LIMD1: variants seen among roughly 807,000 people sequenced by gnomAD.
The protein encoded by LIMD1 is LIM domain containing 1, also known as LIM domain-containing protein 1.
In LIMD1, 23 loss-of-function variants were observed where a neutral mutation model predicts 58.4. The observed-to-expected ratio is 0.39, with a 90% CI of 0.28 to 0.56. LIMD1 has a LOEUF of 0.56. Among genes scored for constraint, LIMD1 ranks in the 20% least tolerant of loss-of-function variants. The pLI, the probability that LIMD1 is intolerant of heterozygous loss-of-function variation, is 0.57. For synonymous variants in LIMD1, 334 were observed against 345.5 expected (o/e 0.97, Z 0.37); for missense variants, 838 against 855.5 (o/e 0.98, Z 0.25).
At chr3:45,670,435 G>A (rs1245846536) in intron 4 of LIMD1, among the ~76,000 whole-genome samples, 3 of 152,162 alleles carry the variant, frequency 2.0e-5, no homozygotes, top group Admixed American at 2.0e-4. Flanking sequence ...TCAGGGTTTA[G>A]CAGGCCAATT....
chr3:45,651,489 C>T (rs1003835636), intron 2 of LIMD1, among the ~76,000 whole-genome samples: 5 of 152,212 alleles, frequency 3.3e-5, no homozygotes, highest in Admixed American at 1.3e-4. Context: ...AGTCCTTAAT[C>T]CATCTTGAGT....
intron 1 of LIMD1, among the ~76,000 whole-genome samples, chr3:45,625,525 T>C (rs1272189500): frequency 2.0e-5 from 3 of 152,130 alleles, no homozygotes; most frequent in African/African-American, 7.2e-5. Context: ...CATTTCTTGT[T>C]TGTGGGATCC....
At chr3:45,614,442 C>T (rs936838508) in intron 1 of LIMD1, among the ~76,000 whole-genome samples, 2 of 150,674 alleles carry the variant, frequency 1.3e-5, no homozygotes, top group Admixed American at 6.6e-5. Context: ...ATCCTCTGCC[C>T]GGGTGCTGTG....
chr3:45,651,922 G>A (rs1025180265), intron 2 of LIMD1, among the ~76,000 whole-genome samples: 24 of 143,980 alleles, frequency 1.7e-4, no homozygotes, highest in African/African-American at 5.4e-4. Flanking sequence ...GTGAGCCACC[G>A]CACCCGGCCT....
In LIMD1 at chr3:45,601,738, T is replaced by C. The variant is rs1466284872; in HGVS notation, c.1408+5451T>C. On this transcript the variant is annotated intron_variant, in intron 1 of 7. Coordinates refer to ENST00000273317, the MANE Select transcript of LIMD1 (RefSeq NM_014240.3). ...GTTAAGTGACTTGCTCAAGACCATA[T>C]GGGTACAAGTAGTGGTGCTCCCATA... Among the ~76,000 whole-genome samples the C allele has an allele frequency of 1.3e-5, 2 of 152,128 alleles. 1 individual carries two copies. The highest frequency in any genetic ancestry group is 2.9e-5 in the Non-Finnish European group (2 of 68,002).
chr3:45,609,882 G>A (rs1333028746), intron 1 of LIMD1, among the ~76,000 whole-genome samples: 7 of 152,166 alleles, frequency 4.6e-5, no homozygotes, highest in East Asian at 1.9e-4. Context: ...CTGGCACACA[G>A]CAGGTACCCA....
intron 1 of LIMD1, chr3:45,632,679 T>C (rs983156349): frequency 1.5e-5 from 5 of 323,546 alleles, no homozygotes; most frequent in African/African-American, 1.1e-4. Flanking sequence ...TGAAGGCACT[T>C]GCAATTCACT....
At chr3:45,662,881 G>A (rs939562607) in intron 2 of LIMD1, among the ~76,000 whole-genome samples, 1 of 152,110 alleles carries the variant, frequency 6.6e-6, no homozygotes, top group South Asian at 2.1e-4. Context: ...TTGCTTGGGA[G>A]GCTGAGGCAG....
intron 3 of LIMD1, 126 bp downstream of exon 3, chr3:45,665,843 C>A: frequency 1.3e-6 from 1 of 782,186 alleles, no homozygotes; most frequent in Non-Finnish European, 2.1e-6. Flanking sequence ...GCCTTTCCTT[C>A]TGTAGATACT....
At chr3:45,669,023 G>C (rs534809517) in intron 4 of LIMD1, among the ~76,000 whole-genome samples, 1 of 152,310 alleles carries the variant, frequency 6.6e-6, no homozygotes, top group South Asian at 2.1e-4. Flanking sequence ...CAGAAAGCCA[G>C]AGGAGCAAAG....
At chr3:45,670,374 T>C (rs185269483) in intron 4 of LIMD1, among the ~76,000 whole-genome samples, 11 of 151,984 alleles carry the variant, frequency 7.2e-5, no homozygotes, top group African/African-American at 2.7e-4. Context: ...TTTAAAACAA[T>C]AGTGATTTCT....
rs1701334618 is a variant in LIMD1 at position 45,595,379 on chromosome 3, C to T, written c.500C>T (p.Pro167Leu). The T allele has an allele frequency of 1.9e-6, 3 of 1,613,754 alleles. No homozygotes were observed. Among genetic ancestry groups the T allele is most frequent in the African/African-American group, 2.7e-5 (2 of 74,936 alleles). ...SEMSAFHQPG[P>L]CEDPSCLTHG... ...ATGTCTGCTTTCCACCAGCCAGGCC[C>T]CTGTGAGGATCCTTCCTGCCTCACT... Residue 167 changes from proline to leucine, a missense_variant, in exon 1 of 8, where the codon CCC (proline) becomes CTC (leucine). Physicochemically the swap from Pro to Leu is moderately conservative, Grantham distance 98 (BLOSUM62 -3). Coordinates refer to ENST00000273317, the MANE Select transcript of LIMD1 (RefSeq NM_014240.3).
In LIMD1 at chr3:45,636,196, C is replaced by T. The variant is rs1244279112; in HGVS notation, c.1455C>T (p.Ala485=). The change falls in exon 2 of 8, where the codon GCC becomes GCT. Residue 485 remains alanine, a synonymous_variant. Coordinates refer to ENST00000273317, the MANE Select transcript of LIMD1 (RefSeq NM_014240.3). The part of the protein sequence containing the change: ...CSKGVFGAGQ[A]CQAMGNLYHD... The stretch of plus-strand genomic sequence containing the variant: ...AAGGGGTGTTTGGGGCTGGCCAGGC[C>T]TGTCAGGCCATGGGGAACCTCTACC... The T allele has an allele frequency of 3.1e-6, 5 of 1,612,814 alleles. No homozygotes were observed. Among genetic ancestry groups the T allele is most frequent in the Non-Finnish European group, 4.2e-6 (5 of 1,179,510 alleles).
rs1040923413 is a variant in LIMD1 at position 45,682,067 on chromosome 3, A to T, written c.*5008A>T. 2 of 152,258 alleles carry T rather than the reference A, an allele frequency of 1.3e-5. No individual in the cohort carries two copies. The highest frequency in any genetic ancestry group is 1.3e-4 in the Admixed American group (2 of 15,286). The allele number at this position is 152,258 out of a possible 1,614,324, so 9.4% of individuals were successfully genotyped here. On this transcript the variant is annotated 3_prime_UTR_variant, in exon 8 of 8. Transcript: ENST00000273317. ...GGGGAAAGAGTTTGTTCTAGACTCC[A>T]GTGTAGTCCTTGTGGCTACCAGGTC...
chr3:45,679,726 A>AC lies in LIMD1; in HGVS notation c.*2671dup, dbSNP rs1330454053. 6.6e-6 allele frequency: 1 copy of AC among 151,548 alleles called. No homozygotes were observed. The highest frequency in any genetic ancestry group is 1.5e-5 in the Non-Finnish European group (1 of 67,918). 9.4% of individuals were successfully genotyped at this position (151,548 alleles called of 1,614,324 possible). A position where few individuals can be genotyped will look rare whatever the true frequency, so the allele number is the denominator to read the frequency against. ...TTTTGTCTTTTTTTTCTTTTCTCCT[A>AC]CCCCTATCTTGGGACATTCAGAAAC... On this transcript the variant is annotated 3_prime_UTR_variant, in exon 8 of 8. Transcript: ENST00000273317.
intron 1 of LIMD1, among the ~76,000 whole-genome samples, chr3:45,603,121 G>A (rs1342435165): frequency 2.0e-5 from 3 of 152,192 alleles, no homozygotes; most frequent in African/African-American, 4.8e-5. Flanking sequence ...GATTACAGGC[G>A]TGAGCCACTG....
At chr3:45,621,986 C>A (rs1701632151) in intron 1 of LIMD1, among the ~76,000 whole-genome samples, 1 of 150,424 alleles carries the variant, frequency 6.6e-6, no homozygotes, top group Non-Finnish European at 1.5e-5. Context: ...TCACTTGAAC[C>A]AGGGAGTTGG....
At chr3:45,641,252 G>A (rs1208849816) in intron 2 of LIMD1, among the ~76,000 whole-genome samples, 1 of 152,138 alleles carries the variant, frequency 6.6e-6, no homozygotes, top group African/African-American at 2.4e-5. Context: ...CAGACCTCTT[G>A]AATCTATGCT....
At chr3:45,615,902 G>A (rs1372622812) in intron 1 of LIMD1, among the ~76,000 whole-genome samples, 1 of 151,576 alleles carries the variant, frequency 6.6e-6, no homozygotes, top group Non-Finnish European at 1.5e-5. Flanking sequence ...TGAAGATGAA[G>A]ATGCCCTTCT....
Sources: gnomAD v4.1 joint callset for allele counts (sites outside exome capture counted in the v4.1 genomes callset) on GRCh38, gnomAD v4.1.1 for gene constraint, MANE v1.5 for transcripts, NCBI Gene and HGNC (gene_info 2026-07-23, HGNC 2026-07-21) for gene names.